The following RAD51B variants were observed in gnomAD, a reference collection of about 807,000 sequenced individuals.
The protein encoded by RAD51B is RAD51 paralog B, also known as DNA repair protein RAD51 homolog 2.
RAD51B carries 38 observed loss-of-function variants against 42.2 expected under a neutral mutation model. The ratio of observed to expected loss-of-function variants is 0.90; its 90% CI spans 0.70 to 1.18. The LOEUF is 1.18. Among genes scored for constraint, RAD51B ranks in the 50% most tolerant of loss-of-function variants. RAD51B has a pLI of 0.00. For synonymous variants in RAD51B, 154 were observed against 145.2 expected, an observed-to-expected ratio of 1.06 and a Z score of -0.43; for missense variants, 373 against 400.7, an observed-to-expected ratio of 0.93 and a Z score of 0.59.
intron 3 of RAD51B, among the ~76,000 whole-genome samples, chr14:67,831,116 C>T (rs976218381): frequency 6.6e-6 from 1 of 152,050 alleles, no homozygotes; most frequent in Admixed American, 6.6e-5. Context: ...CTCAGGTGAT[C>T]CACCTGCCTC....
At chr14:68,421,327 C>T (rs2140107433) in intron 9 of RAD51B, among the ~76,000 whole-genome samples, 1 of 152,190 alleles carries the variant, frequency 6.6e-6, no homozygotes, top group Middle Eastern at 3.4e-3. Context: ...GCTACGCCGC[C>T]TGAGCCTGTG....
At chr14:67,917,402 G>A (rs2044189848) in intron 7 of RAD51B, among the ~76,000 whole-genome samples, 2 of 152,132 alleles carry the variant, frequency 1.3e-5, no homozygotes, top group Non-Finnish European at 2.9e-5. Context: ...AGAGAGTAGA[G>A]GGTGAGGTGC....
chr14:68,189,164 G>A (rs769748981), intron 7 of RAD51B, among the ~76,000 whole-genome samples: 14 of 151,578 alleles, frequency 9.2e-5, no homozygotes, highest in Non-Finnish European at 1.5e-4. Flanking sequence ...TTTACATATC[G>A]TAAAGTACAC....
At chr14:68,255,535 T>A (rs907960018) in intron 7 of RAD51B, among the ~76,000 whole-genome samples, 1 of 152,212 alleles carries the variant, frequency 6.6e-6, no homozygotes, top group Non-Finnish European at 1.5e-5. Context: ...TTTGAGACAA[T>A]GAGGCAATTA....
intron 4 of RAD51B, among the ~76,000 whole-genome samples, chr14:67,844,592 C>T (rs1390664205): frequency 1.4e-5 from 2 of 147,274 alleles, no homozygotes; most frequent in Non-Finnish European, 3.0e-5. Flanking sequence ...TATGTAGTGC[C>T]CTTGTCTTTT....
intron 7 of RAD51B, among the ~76,000 whole-genome samples, chr14:67,961,392 G>A (rs2074663053): frequency 6.6e-6 from 1 of 152,160 alleles, no homozygotes; most frequent in Non-Finnish European, 1.5e-5. Flanking sequence ...AACAAAATTG[G>A]TCACTAAGAA....
chr14:68,207,113 A>G (rs1014854619), intron 7 of RAD51B, among the ~76,000 whole-genome samples: 11 of 152,070 alleles, frequency 7.2e-5, no homozygotes, highest in Admixed American at 3.9e-4. Context: ...TCTGGTGGAA[A>G]TAGTGTTAAA....
chr14:68,198,388 T>C (rs2079417207), intron 7 of RAD51B, among the ~76,000 whole-genome samples: 1 of 152,196 alleles, frequency 6.6e-6, no homozygotes, highest in African/African-American at 2.4e-5. Context: ...TCTCTGACTT[T>C]GTGAGTTTTT....
At chr14:68,451,380 G>T (rs2140186842) in intron 9 of RAD51B, among the ~76,000 whole-genome samples, 1 of 152,290 alleles carries the variant, frequency 6.6e-6, no homozygotes, top group East Asian at 1.9e-4. Flanking sequence ...TATAGTGTAA[G>T]ATTTAGAAAC....
rs561414718 is a variant in RAD51B at position 68,086,525 on chromosome 14, G to A, written c.756+199321G>A. Among the ~76,000 whole-genome samples the A allele has an allele frequency of 6.6e-5, 10 of 152,256 alleles. 1 individual carries two copies. The highest frequency in any genetic ancestry group is 6.2e-4 in the South Asian group (3 of 4,822). ...GGGTAGAGCCCTCGCCAGGGACCAC[G>A]CGCTCCCCTTCCCATCACTTCCCTG... On this transcript the variant is annotated intron_variant, in intron 7 of 10. Transcript: ENST00000471583.
At chr14:68,199,323 C>G (rs1427569396) in intron 7 of RAD51B, among the ~76,000 whole-genome samples, 2 of 152,192 alleles carry the variant, frequency 1.3e-5, no homozygotes, top group Non-Finnish European at 2.9e-5. Flanking sequence ...GCAGCCAAGT[C>G]ACACTGTTGG....
chr14:68,662,795 G>A (rs894490457), intron 11 of RAD51B, among the ~76,000 whole-genome samples: 3 of 152,184 alleles, frequency 2.0e-5, no homozygotes, highest in Non-Finnish European at 4.4e-5. Flanking sequence ...TTGTAGATGA[G>A]AGAAATTAAC....
chr14:68,307,371 T>A (rs1595688496), intron 8 of RAD51B, among the ~76,000 whole-genome samples: 1 of 152,212 alleles, frequency 6.6e-6, no homozygotes, highest in African/African-American at 2.4e-5. Context: ...GCTGTCCAGG[T>A]TGAACGAGAG....
chr14:68,048,541 C>T (rs1057112003), intron 7 of RAD51B, among the ~76,000 whole-genome samples: 2 of 152,050 alleles, frequency 1.3e-5, no homozygotes, highest in Admixed American at 1.3e-4. Context: ...AATGGTATTG[C>T]CTAGGTTTTC....
chr14:68,558,437 G>A (rs1296372498), intron 10 of RAD51B, among the ~76,000 whole-genome samples: 4 of 152,222 alleles, frequency 2.6e-5, no homozygotes, highest in African/African-American at 4.8e-5. Flanking sequence ...TGATTGCATC[G>A]TTGTTCTGGA....
At chr14:68,639,977 T>G (rs1892422906) in intron 10 of RAD51B, among the ~76,000 whole-genome samples, 2 of 152,050 alleles carry the variant, frequency 1.3e-5, no homozygotes, top group Non-Finnish European at 2.9e-5. Flanking sequence ...AATTTTTGTA[T>G]TTTTAGTGGA....
chr14:68,058,535 C>T lies in RAD51B; in HGVS notation c.756+171331C>T, dbSNP rs528153896. Among the ~76,000 whole-genome samples the T allele has an allele frequency of 7.2e-5, 11 of 152,302 alleles. No individual in the cohort carries two copies. The East Asian group carries it at 1.7e-3, about 24-fold the overall frequency. On this transcript the variant is annotated intron_variant, in intron 7 of 10. Transcript: ENST00000471583. The stretch of plus-strand genomic sequence containing the variant: ...TGTAGGCATATCTGTTTTTCTTGTA[C>T]ACAGTTAGTTGCATATCATACATAC...
intron 7 of RAD51B, among the ~76,000 whole-genome samples, chr14:67,934,870 T>A (rs2044880040): frequency 6.6e-6 from 1 of 152,152 alleles, no homozygotes; most frequent in Non-Finnish European, 1.5e-5. Flanking sequence ...CTCAGCAAGG[T>A]GTCTCCTGGT....
At chr14:67,893,492 AC>A (rs1566945228) in intron 7 of RAD51B, among the ~76,000 whole-genome samples, 13 of 81,240 alleles carry the variant, frequency 1.6e-4, no homozygotes, top group African/African-American at 7.4e-4. Context: ...ACACACACAC[AC>A]ACACACACAC....
Sources: allele counts gnomAD v4.1 joint callset (sites outside exome capture counted in the v4.1 genomes callset), GRCh38; gene constraint gnomAD v4.1.1; transcripts MANE v1.5; gene names NCBI Gene and HGNC (gene_info 2026-07-23, HGNC 2026-07-21).